TBCD: variants seen among roughly 807,000 people sequenced by gnomAD.
The protein encoded by TBCD is tubulin-specific chaperone D.
A neutral mutation model predicts 169.3 loss-of-function variants in TBCD; 105 were observed. That is an observed-to-expected ratio of 0.62 (90% CI 0.53 to 0.73). The LOEUF is 0.73. TBCD is among the 30% of genes least tolerant of loss of function. The pLI, the probability that TBCD is intolerant of heterozygous loss-of-function variation, is 0.00. For missense variants in TBCD, 1,444 were observed against 1,600.1 expected (o/e 0.90, Z 1.66); for synonymous variants, 700 against 643.9 (o/e 1.09, Z -1.32).
chr17:82,795,991 G>A (rs1451591676), intron 7 of TBCD: 1 of 152,312 alleles, frequency 6.6e-6, no homozygotes, highest in Non-Finnish European at 1.5e-5. Flanking sequence ...GCCTACCAAG[G>A]TGGTGGGTGA....
intron 13 of TBCD, 123 bp downstream of exon 13, chr17:82,815,057 C>T (rs951692794): frequency 1.6e-4 from 234 of 1,465,282 alleles, no homozygotes; most frequent in Middle Eastern, 4.9e-4. Flanking sequence ...GCTGCGTCAC[C>T]AGGCTGTCCG....
chr17:82,758,113 G>A (rs2047503100), intron 2 of TBCD, among the ~76,000 whole-genome samples: 1 of 151,998 alleles, frequency 6.6e-6, no homozygotes, highest in African/African-American at 2.4e-5. Flanking sequence ...TTTTCGCCGG[G>A]TGTGGTGGCT....
At chr17:82,787,618 A>G (rs1170746453) in intron 7 of TBCD, among the ~76,000 whole-genome samples, 1 of 152,234 alleles carries the variant, frequency 6.6e-6, no homozygotes, top group Non-Finnish European at 1.5e-5. Context: ...TGAAACTTGC[A>G]GGTGGATTCT....
chr17:82,938,145 C>G lies in TBCD; in HGVS notation c.3369+9C>G, dbSNP rs964127743. On this transcript the variant is annotated intron_variant, in intron 36 of 38. Transcript: ENST00000355528. ...GCCACCGTTTCCCGCTGGTGAGTGC[C>G]TGCCCCTGCTCACGTGTGTTTGCCG... 3.7e-6 allele frequency: 6 copies of G among 1,610,624 alleles called. No individual in the cohort carries two copies. The highest frequency in any genetic ancestry group is 4.2e-6 in the Non-Finnish European group (5 of 1,179,368).
intron 8 of TBCD, among the ~76,000 whole-genome samples, chr17:82,800,548 G>C (rs923237872): frequency 6.6e-6 from 1 of 151,948 alleles, no homozygotes; most frequent in Non-Finnish European, 1.5e-5. Flanking sequence ...CAGGATGCCC[G>C]TGGCCTGTGG....
chr17:82,882,540 G>A (rs1040625747), intron 14 of TBCD, among the ~76,000 whole-genome samples: 3 of 152,244 alleles, frequency 2.0e-5, no homozygotes, highest in Non-Finnish European at 4.4e-5. Flanking sequence ...TCATGGGGCC[G>A]AGGAGAGAGG....
At chr17:82,935,249 A>G (rs1192492798) in intron 34 of TBCD, among the ~76,000 whole-genome samples, 2 of 152,028 alleles carry the variant, frequency 1.3e-5, no homozygotes, top group African/African-American at 4.8e-5. Context: ...TGCTCCACTC[A>G]TTCTTTGTCT....
intron 13 of TBCD, among the ~76,000 whole-genome samples, chr17:82,847,378 AAG>A: frequency 6.6e-6 from 1 of 150,946 alleles, no homozygotes; most frequent in Non-Finnish European, 1.5e-5. Context: ...AAAAAAAAAA[AAG>A]AAACAACCCT....
At chr17:82,851,222 AC>A in intron 13 of TBCD, among the ~76,000 whole-genome samples, 1 of 151,222 alleles carries the variant, frequency 6.6e-6, no homozygotes, top group South Asian at 2.1e-4. Context: ...TAGAAGATAT[AC>A]AAATGTGTAA....
At chr17:82,847,820 A>T (rs1393098172) in intron 13 of TBCD, among the ~76,000 whole-genome samples, 1 of 152,076 alleles carries the variant, frequency 6.6e-6, no homozygotes, top group African/African-American at 2.4e-5. Context: ...ATGGGGTTTC[A>T]TCATGTTAGC....
chr17:82,879,066 T>C (rs1289863707), intron 14 of TBCD, among the ~76,000 whole-genome samples: 1 of 151,114 alleles, frequency 6.6e-6, no homozygotes, highest in East Asian at 1.9e-4. Context: ...GTTCTTTTTT[T>C]TTTTTTTTTT....
Position 82,752,373 on chromosome 17 carries a change from C to T in TBCD, c.180C>T (p.Phe60=), listed in dbSNP as rs944862561. 4.5e-5 allele frequency: 58 copies of T among 1,292,724 alleles called. No homozygotes were observed. Among genetic ancestry groups the T allele is most frequent in the Middle Eastern group, 3.0e-4 (1 of 3,364 alleles). 80.1% of individuals were successfully genotyped at this position (1,292,724 alleles called of 1,614,324 possible). A position where few individuals can be genotyped will look rare whatever the true frequency, so the allele number is the denominator to read the frequency against. ...GAEREVALER[F]RVIMDKYQEQ... ...AGCGCGAGGTGGCCCTGGAGCGGTTCCGCGGTGCGTGGGCGGCGCCGCGTG... is the reference window on the plus strand; with the variant it reads ...AGCGCGAGGTGGCCCTGGAGCGGTTTCGCGGTGCGTGGGCGGCGCCGCGTG... Residue 60 remains phenylalanine, a synonymous_variant, in exon 1 of 39, where the codon TTC becomes TTT. Coordinates refer to ENST00000355528, the MANE Select transcript of TBCD (RefSeq NM_005993.5).
intron 13 of TBCD, among the ~76,000 whole-genome samples, chr17:82,839,548 T>G (rs901055043): frequency 6.6e-6 from 1 of 152,216 alleles, no homozygotes; most frequent in South Asian, 2.1e-4. Context: ...TTCACCCTAA[T>G]GTACATACAC....
In TBCD at chr17:82,806,237, C is replaced by T. The variant is rs186840867; in HGVS notation, c.1087+226C>T. On this transcript the variant is annotated intron_variant, in intron 10 of 38. Coordinates refer to ENST00000355528, the MANE Select transcript of TBCD (RefSeq NM_005993.5). The surrounding 1 kb of genome is among the most constrained non-coding windows in gnomAD (Gnocchi z 5.1). Reference sequence around the variant, plus strand: ...GTGCCGTAGAAGCCCTTTTTCCCACCGCCTCGCCTCCTTCCTGACCTGGGC... The same window carrying T: ...GTGCCGTAGAAGCCCTTTTTCCCACTGCCTCGCCTCCTTCCTGACCTGGGC... Among the ~76,000 whole-genome samples the T allele has an allele frequency of 1.6e-4, 24 of 152,200 alleles. No individual in the cohort carries two copies. The highest frequency in any genetic ancestry group is 4.8e-4 in the African/African-American group (20 of 41,536).
At chr17:82,893,423 C>T (rs2059280623) in intron 16 of TBCD, 124 bp from the exon 17 acceptor site, 8 of 724,894 alleles carry the variant, frequency 1.1e-5, no homozygotes, top group Non-Finnish European at 1.8e-5. Flanking sequence ...GTGGCTTGCT[C>T]ACCACCTGCC....
chr17:82,756,629 G>A (rs918995669), intron 2 of TBCD, among the ~76,000 whole-genome samples: 4 of 152,122 alleles, frequency 2.6e-5, no homozygotes, highest in South Asian at 2.1e-4. Flanking sequence ...ACAGGCATGC[G>A]CCACCATGCC....
intron 13 of TBCD, among the ~76,000 whole-genome samples, chr17:82,824,111 C>G (rs759893504): frequency 6.6e-6 from 1 of 152,064 alleles, no homozygotes; most frequent in African/African-American, 2.4e-5. Flanking sequence ...TCAGAATTTT[C>G]TTTCTTTTAA....
chr17:82,789,749 C>A lies in TBCD; in HGVS notation c.772-8008C>A, dbSNP rs1001338034. Among the ~76,000 whole-genome samples, 1 of 152,220 alleles carries A rather than the reference C, an allele frequency of 6.6e-6. No homozygotes were observed. The highest frequency in any genetic ancestry group is 1.5e-5 in the Non-Finnish European group (1 of 68,038). On this transcript the variant is annotated intron_variant, in intron 7 of 38. Transcript: ENST00000355528. The surrounding 1 kb of genome is among the most constrained non-coding windows in gnomAD (Gnocchi z 4.8). ...TCTGATTCACCCTTGACCTTTATTA[C>A]CTGATTTCTGTCCTTGGTTCTCGAG...
At chr17:82,856,985 C>T (rs1270948951) in intron 13 of TBCD, among the ~76,000 whole-genome samples, 4 of 151,852 alleles carry the variant, frequency 2.6e-5, no homozygotes, top group East Asian at 3.9e-4. Context: ...GCATCCAGGG[C>T]GGGATCGCTG....
Sources: allele counts gnomAD v4.1 joint callset (sites outside exome capture counted in the v4.1 genomes callset), GRCh38; gene constraint gnomAD v4.1.1; non-coding constraint Gnocchi (gnomAD v3.1); transcripts MANE v1.5; gene names NCBI Gene and HGNC (gene_info 2026-07-23, HGNC 2026-07-21).